FNBP1: variants seen among roughly 807,000 people sequenced by gnomAD.
FNBP1 encodes formin-binding protein 1.
Under a neutral mutation model 90.6 loss-of-function variants are expected in FNBP1, and 26 were observed. The observed-to-expected ratio is 0.29, with a 90% confidence interval of 0.21 to 0.40. The LOEUF is 0.40. Among genes scored for constraint, FNBP1 ranks in the 10% least tolerant of loss-of-function variants. The pLI, the probability that FNBP1 is intolerant of heterozygous loss-of-function variation, is 1.00. For synonymous variants in FNBP1, 260 were observed against 265.2 expected (o/e 0.98, Z 0.19); for missense variants, 635 against 768.0 (o/e 0.83, Z 2.05).
rs78043610 is a variant in FNBP1 at position 129,945,015 on chromosome 9, A to G, written c.513+12345T>C. Among the ~76,000 whole-genome samples, 294 of 152,324 alleles carry G rather than the reference A, an allele frequency of 1.9e-3. 11 individuals carry two copies. In the East Asian group the frequency reaches 0.055, roughly 28 times the overall value. ...CACATAAATAAATACATATATATTCAGGGAATTCATTTCTTCATTTCTATC... is the reference window on the plus strand; with the variant it reads ...CACATAAATAAATACATATATATTCGGGGAATTCATTTCTTCATTTCTATC... On this transcript the variant is annotated intron_variant, in intron 6 of 16. Transcript: ENST00000446176.
chr9:129,919,679 C>T (rs1588545405), intron 10 of FNBP1, among the ~76,000 whole-genome samples: 1 of 152,276 alleles, frequency 6.6e-6, no homozygotes, highest in East Asian at 1.9e-4. Context: ...GATATGTTTG[C>T]ATGGGATTTA....
chr9:129,917,202 C>CG lies in FNBP1; in HGVS notation c.1171-1223dup, dbSNP rs372301349. ...TAATGTTTTGTATTTTTAGTAGAGA[C>CG]GGGGTTTCGCCTTGTTGGTCAGGCT... On this transcript the variant is annotated intron_variant, in intron 10 of 16. Transcript: ENST00000446176. Among the ~76,000 whole-genome samples, 124 of 151,256 alleles carry CG rather than the reference C, an allele frequency of 8.2e-4. No individual in the cohort carries two copies. The Middle Eastern group carries it at 0.01, about 13-fold the overall frequency.
At chr9:130,017,947 TCTGTCGCCCAGGCTGGAG>T in intron 1 of FNBP1, among the ~76,000 whole-genome samples, 1 of 124,694 alleles carries the variant, frequency 8.0e-6, no homozygotes, top group Non-Finnish European at 1.7e-5. Flanking sequence ...AGAGTTTCAC[TCTGTCGCCCAGGCTGGAG>T]TGCAGCGGTG....
Position 129,902,865 on chromosome 9 carries a change from A to C in FNBP1, c.1428+4T>G. On this transcript the variant is annotated splice_donor_region_variant and intron_variant, in intron 13 of 16. Transcript: ENST00000446176. ...CAAAGCTTTCCACAACAGAAGTTTC[A>C]TACCTCAAATTTCTGGGTCTCTACT... The C allele has an allele frequency of 6.2e-7, 1 of 1,613,170 alleles. No homozygotes were observed. Among genetic ancestry groups the C allele is most frequent in the Non-Finnish European group, 8.5e-7 (1 of 1,179,758 alleles).
rs2057764679 is a variant in FNBP1 at position 130,020,902 on chromosome 9, T to TA, written c.24+22049dup. ...GATGGCCCCGTTAGGTTGTGGTACT[T>TA]AGACTTAGTGCCAACATCCTCTATC... On this transcript the variant is annotated intron_variant, in intron 1 of 16. Coordinates refer to ENST00000446176, the MANE Select transcript of FNBP1 (RefSeq NM_015033.3). 1.3e-5 allele frequency among the ~76,000 whole-genome samples: 2 copies of TA among 152,142 alleles called. 1 individual carries two copies. The highest frequency in any genetic ancestry group is 4.1e-4 in the South Asian group (2 of 4,828).
At chr9:130,051,924 C>T in the FNBP1 span, among the ~76,000 whole-genome samples, 1 of 152,186 alleles carries the variant, frequency 6.6e-6, no homozygotes. Context: ...CAGTCAATAC[C>T]TTAAAGTGTA....
intron 7 of FNBP1, 28 bp from the exon 8 acceptor site, chr9:129,927,369 A>C (rs751261437): frequency 2.5e-6 from 4 of 1,600,376 alleles, no homozygotes; most frequent in Middle Eastern, 1.7e-4. Context: ...GTATAAAGTA[A>C]GTTTGGTCCA....
chr9:129,996,631 G>A (rs892252813), intron 1 of FNBP1, among the ~76,000 whole-genome samples: 2 of 152,198 alleles, frequency 1.3e-5, no homozygotes, highest in African/African-American at 4.8e-5. Context: ...TATAAAGCTA[G>A]TGTTTAATCC....
rs2048650235 is a variant in FNBP1 at position 129,966,420 on chromosome 9, G to A, written c.346-7867C>T. Among the ~76,000 whole-genome samples the A allele has an allele frequency of 6.6e-6, 1 of 152,142 alleles. No homozygotes were observed. The highest frequency in any genetic ancestry group is 2.1e-4 in the South Asian group (1 of 4,828). On this transcript the variant is annotated intron_variant, in intron 4 of 16. Transcript: ENST00000446176. The surrounding 1 kb of genome is among the most constrained non-coding windows in gnomAD (Gnocchi z 4.3). ...CAGCCTCACCAGCCACGGTAAGCAT[G>A]TTGGAAGATTTAAGAAAGGAAGTGA...
intron 1 of FNBP1, among the ~76,000 whole-genome samples, chr9:130,008,302 T>C (rs1017072840): frequency 2.6e-5 from 4 of 152,030 alleles, no homozygotes; most frequent in African/African-American, 9.7e-5. Context: ...GTGAGCCAGA[T>C]TGTGCCATTG....
chr9:130,013,496 C>T lies in FNBP1; in HGVS notation c.25-18538G>A, dbSNP rs556755338. The stretch of plus-strand genomic sequence containing the variant: ...AAGGACGTGGTGTAATGGCAACATT[C>T]ACACACTGCTGGGGACCTCGGAAAA... On this transcript the variant is annotated intron_variant, in intron 1 of 16. Coordinates refer to ENST00000446176, the MANE Select transcript of FNBP1 (RefSeq NM_015033.3). Among the ~76,000 whole-genome samples the T allele has an allele frequency of 1.8e-4, 28 of 152,224 alleles. No homozygotes were observed. In the South Asian group the frequency reaches 5.8e-3, roughly 32 times the overall value.
chr9:129,987,210 A>G (rs981996657), intron 2 of FNBP1, among the ~76,000 whole-genome samples: 5 of 152,040 alleles, frequency 3.3e-5, no homozygotes. Flanking sequence ...TTTTCAAGCA[A>G]GAAAGAACGC....
intron 10 of FNBP1, among the ~76,000 whole-genome samples, chr9:129,917,180 T>C (rs1325453977): frequency 6.8e-6 from 1 of 146,772 alleles, no homozygotes; most frequent in African/African-American, 2.5e-5. Context: ...GCCCAGCTAA[T>C]GTTTTGTATT....
chr9:130,025,931 G>GA (rs977930567), intron 1 of FNBP1, among the ~76,000 whole-genome samples: 1 of 151,438 alleles, frequency 6.6e-6, no homozygotes, highest in African/African-American at 2.4e-5. Context: ...CTCAAAAAAA[G>GA]AAAAAAAAGA....
intron 11 of FNBP1, among the ~76,000 whole-genome samples, chr9:129,915,674 T>C (rs1214705339): frequency 6.6e-6 from 1 of 152,172 alleles, no homozygotes; most frequent in African/African-American, 2.4e-5. Flanking sequence ...TTTACGTTAA[T>C]ATTTATATAG....
At chr9:129,954,736 C>T (rs1467738857) in intron 6 of FNBP1, among the ~76,000 whole-genome samples, 2 of 152,166 alleles carry the variant, frequency 1.3e-5, no homozygotes, top group African/African-American at 2.4e-5. Flanking sequence ...GTGGCTCATG[C>T]CTGTAATCCC....
intron 11 of FNBP1, among the ~76,000 whole-genome samples, chr9:129,911,478 C>T (rs936955221): frequency 6.6e-6 from 1 of 152,212 alleles, no homozygotes; most frequent in Admixed American, 6.5e-5. Context: ...TCATGTCTAT[C>T]TGATGAAGTC....
chr9:129,940,930 A>C (rs368141556), intron 6 of FNBP1, among the ~76,000 whole-genome samples: 1 of 151,872 alleles, frequency 6.6e-6, no homozygotes, highest in Non-Finnish European at 1.5e-5. Flanking sequence ...GAGTTTTCAT[A>C]TATTTATGAA....
At chr9:129,980,940 A>G (rs1393483387) in intron 2 of FNBP1, among the ~76,000 whole-genome samples, 1 of 150,748 alleles carries the variant, frequency 6.6e-6, no homozygotes, top group East Asian at 2.0e-4. Flanking sequence ...AGTCCCAGCT[A>G]CTCGGGAGGC....
Sources: allele counts gnomAD v4.1 joint callset (sites outside exome capture counted in the v4.1 genomes callset), GRCh38; gene constraint gnomAD v4.1.1; non-coding constraint Gnocchi (gnomAD v3.1); transcripts MANE v1.5; gene names NCBI Gene and HGNC (gene_info 2026-07-23, HGNC 2026-07-21).